Variants in CEP112 observed in about 807,000 individuals in gnomAD.
CEP112 encodes centrosomal protein 112.
A neutral mutation model predicts 153.0 loss-of-function variants in CEP112; 127 were observed. That is an observed-to-expected ratio of 0.83 (90% CI 0.72 to 0.96). CEP112 has a LOEUF of 0.96. Ranked by LOEUF, CEP112 falls within the 40% of genes least tolerant of loss-of-function variation. CEP112 has a pLI of 0.00. For missense variants in CEP112, 1,089 were observed against 1,101.2 expected, an observed-to-expected ratio of 0.99 and a Z score of 0.16; for synonymous variants, 358 against 374.4, an observed-to-expected ratio of 0.96 and a Z score of 0.51.
intron 21 of CEP112, among the ~76,000 whole-genome samples, chr17:65,772,013 C>A (rs1356529697): frequency 6.6e-6 from 1 of 151,492 alleles, no homozygotes; most frequent in African/African-American, 2.4e-5. Context: ...CACAGCAAGA[C>A]CCTGTCCCTG....
intron 21 of CEP112, among the ~76,000 whole-genome samples, chr17:65,822,420 A>G (rs1342507896): frequency 6.6e-6 from 1 of 152,242 alleles, no homozygotes; most frequent in Non-Finnish European, 1.5e-5. Flanking sequence ...TCTCTCGTAT[A>G]CTGTAAAACA....
intron 24 of CEP112, chr17:65,655,469 G>A (rs1245759817): frequency 2.2e-6 from 2 of 909,780 alleles, no homozygotes. Flanking sequence ...CAGTGTTTAT[G>A]TACTCTTAGC....
chr17:65,858,985 G>T (rs893225122), intron 20 of CEP112, among the ~76,000 whole-genome samples: 3 of 152,040 alleles, frequency 2.0e-5, no homozygotes, highest in Non-Finnish European at 4.4e-5. Context: ...AGTGTCTTAG[G>T]TCTAATTCCA....
chr17:65,955,308 A>T (rs2061966737), intron 18 of CEP112, among the ~76,000 whole-genome samples: 1 of 151,746 alleles, frequency 6.6e-6, no homozygotes, highest in Non-Finnish European at 1.5e-5. Flanking sequence ...CCAGAAAACA[A>T]ATGCGGAGAG....
chr17:65,678,261 G>A (rs2047335830), intron 24 of CEP112, among the ~76,000 whole-genome samples: 1 of 151,934 alleles, frequency 6.6e-6, no homozygotes, highest in Non-Finnish European at 1.5e-5. Context: ...GAATACTGTG[G>A]GAACATAAAC....
chr17:65,773,833 C>T (rs367748911), intron 21 of CEP112, among the ~76,000 whole-genome samples: 28 of 152,094 alleles, frequency 1.8e-4, no homozygotes, highest in African/African-American at 6.5e-4. Context: ...GACTGTAATC[C>T]CAGTGCTTTG....
intron 24 of CEP112, among the ~76,000 whole-genome samples, chr17:65,661,540 A>G (rs2046386044): frequency 6.6e-6 from 1 of 152,184 alleles, no homozygotes; most frequent in African/African-American, 2.4e-5. Flanking sequence ...CTTGTACTTC[A>G]TTATCAGATA....
intron 23 of CEP112, among the ~76,000 whole-genome samples, chr17:65,710,777 T>G (rs866138850): frequency 6.6e-6 from 1 of 152,174 alleles, no homozygotes. Context: ...GCTTAAGAAG[T>G]GCACTGGCCA....
At chr17:65,970,846 A>C (rs1405139843) in intron 17 of CEP112, among the ~76,000 whole-genome samples, 1 of 44,376 alleles carries the variant, frequency 2.3e-5, no homozygotes, top group Admixed American at 4.4e-4. Flanking sequence ...TTACATGCAT[A>C]TGTCATGTAT....
At chr17:66,110,677 A>G (rs1227237890) in intron 6 of CEP112, among the ~76,000 whole-genome samples, 1 of 100,548 alleles carries the variant, frequency 9.9e-6, no homozygotes, top group Non-Finnish European at 1.9e-5. Context: ...ACAAGAAATG[A>G]AAAAAAAAAA....
chr17:66,035,533 T>A (rs1598182974), intron 12 of CEP112, among the ~76,000 whole-genome samples: 1 of 152,160 alleles, frequency 6.6e-6, no homozygotes, highest in African/African-American at 2.4e-5. Flanking sequence ...GAGAACAGTA[T>A]GGAGGCACCT....
At chr17:65,665,191 A>AT (rs34157761) in intron 24 of CEP112, among the ~76,000 whole-genome samples, 2 of 152,024 alleles carry the variant, frequency 1.3e-5, no homozygotes, top group Admixed American at 6.6e-5. Context: ...CACACCAGAG[A>AT]TTTTTTTCAC....
At chr17:65,811,123 A>G (rs2145908671) in intron 21 of CEP112, among the ~76,000 whole-genome samples, 1 of 152,348 alleles carries the variant, frequency 6.6e-6, no homozygotes, top group Admixed American at 6.5e-5. Context: ...AAGATAGTTA[A>G]CATAAGTGTC....
intron 17 of CEP112, among the ~76,000 whole-genome samples, chr17:65,979,299 G>A (rs1433540899): frequency 2.0e-4 from 30 of 152,072 alleles, no homozygotes; most frequent in Admixed American, 2.0e-3. Flanking sequence ...TGGGTGGAGT[G>A]CAGTGGCAAT....
At chr17:66,036,197 C>T (rs928309714) in intron 12 of CEP112, among the ~76,000 whole-genome samples, 12 of 152,050 alleles carry the variant, frequency 7.9e-5, no homozygotes, top group Non-Finnish European at 1.2e-4. Flanking sequence ...GTGATGATTG[C>T]CAGGGGCTAG....
At chr17:65,645,780 C>T (rs2045397268) in intron 24 of CEP112, among the ~76,000 whole-genome samples, 1 of 152,184 alleles carries the variant, frequency 6.6e-6, no homozygotes, top group South Asian at 2.1e-4. Context: ...TCTTTCTTCT[C>T]CTCTCTTTTA....
At chr17:65,791,489 G>A (rs2054590008) in intron 21 of CEP112, among the ~76,000 whole-genome samples, 1 of 152,124 alleles carries the variant, frequency 6.6e-6, no homozygotes, top group African/African-American at 2.4e-5. Flanking sequence ...CTAAGTAAAA[G>A]TATAAGGACA....
At chr17:65,779,885 A>G (rs939347128) in intron 21 of CEP112, among the ~76,000 whole-genome samples, 2 of 152,070 alleles carry the variant, frequency 1.3e-5, no homozygotes, top group Non-Finnish European at 1.5e-5. Context: ...TCTTTTTCCT[A>G]TACTGGACCT....
intron 11 of CEP112, 106 bp downstream of exon 11, chr17:66,062,857 T>G (rs1366371287): frequency 3.8e-6 from 2 of 523,402 alleles, no homozygotes; most frequent in African/African-American, 4.0e-5. Flanking sequence ...TTAGTTATTT[T>G]TTAAACTTTT....
Sources: gnomAD v4.1 joint callset for allele counts (sites outside exome capture counted in the v4.1 genomes callset) on GRCh38, gnomAD v4.1.1 for gene constraint, MANE v1.5 for transcripts, NCBI Gene and HGNC (gene_info 2026-07-23, HGNC 2026-07-21) for gene names.